Variants in PARN observed in about 807,000 individuals in gnomAD.
The protein encoded by PARN is poly(A)-specific ribonuclease, also known as poly(A)-specific ribonuclease PARN.
Under a neutral mutation model 102.8 loss-of-function variants are expected in PARN, and 71 were observed. That is an observed-to-expected ratio of 0.69 (90% CI 0.57 to 0.84). The LOEUF is 0.84. Ranked by LOEUF, PARN falls within the 40% of genes least tolerant of loss-of-function variation. The pLI is 0.00. For missense variants in PARN, 782 were observed against 760.9 expected (o/e 1.03, Z -0.33); for synonymous variants, 261 against 252.9 (o/e 1.03, Z -0.30).
intron 21 of PARN, among the ~76,000 whole-genome samples, chr16:14,505,962 C>T (rs545811562): frequency 6.6e-6 from 1 of 152,258 alleles, no homozygotes; most frequent in African/African-American, 2.4e-5. Flanking sequence ...TCACAGAGTA[C>T]TTATTTATTA....
chr16:14,550,010 C>G (rs1271807783), intron 21 of PARN, among the ~76,000 whole-genome samples: 4 of 152,200 alleles, frequency 2.6e-5, no homozygotes, highest in Non-Finnish European at 4.4e-5. Context: ...GGCTGCACAG[C>G]TTCAATGTCA....
intron 21 of PARN, among the ~76,000 whole-genome samples, chr16:14,518,224 C>T (rs745757538): frequency 3.0e-5 from 4 of 132,730 alleles, no homozygotes; most frequent in Admixed American, 8.4e-5. Context: ...CCCAGGAGGT[C>T]GAGGCTGCAG....
chr16:14,621,612 C>G (rs1972304121), intron 5 of PARN, among the ~76,000 whole-genome samples: 1 of 151,594 alleles, frequency 6.6e-6, no homozygotes, highest in Non-Finnish European at 1.5e-5. Flanking sequence ...GAGATCAAGA[C>G]TATCCTGGCT....
chr16:14,538,191 T>C (rs1966694214), intron 21 of PARN, among the ~76,000 whole-genome samples: 1 of 151,988 alleles, frequency 6.6e-6, no homozygotes, highest in Non-Finnish European at 1.5e-5. Context: ...GGCTGAATTG[T>C]TTTCCTTGTA....
intron 22 of PARN, 67 bp from the exon 23 acceptor site, chr16:14,447,148 T>C: frequency 9.6e-7 from 1 of 1,046,690 alleles, no homozygotes; most frequent in Non-Finnish European, 1.4e-6. Context: ...TCTATAAAAA[T>C]ATTTTAATAC....
intron 21 of PARN, among the ~76,000 whole-genome samples, chr16:14,518,692 A>C (rs977661762): frequency 5.3e-5 from 8 of 152,162 alleles, no homozygotes; most frequent in Non-Finnish European, 1.2e-4. Context: ...TTACTCATTA[A>C]GGTGGGGAGA....
rs548569160 is a variant in PARN at position 14,466,877 on chromosome 16, C to CCACTAA, written c.1670+15755_1670+15760dup. On this transcript the variant is annotated intron_variant, in intron 22 of 23. Transcript: ENST00000437198. ...GGTTCCTTCCGGCTTTCCTATAAACCCACTAACACTAATTTGAGAAGAAAA... is the reference window on the plus strand; with the variant it reads ...GGTTCCTTCCGGCTTTCCTATAAACCCACTAACACTAACACTAATTTGAGAAGAAAA... 1.5e-3 allele frequency among the ~76,000 whole-genome samples: 229 copies of CCACTAA among 152,202 alleles called. 1 individual carries two copies. The highest frequency in any genetic ancestry group is 3.6e-3 in the Admixed American group (55 of 15,282).
chr16:14,548,571 C>T (rs1967102953), intron 21 of PARN, among the ~76,000 whole-genome samples: 1 of 152,156 alleles, frequency 6.6e-6, no homozygotes. Context: ...AAAGAGTTTA[C>T]AGTCTATCTG....
At chr16:14,604,820 T>C (rs1167120094) in intron 10 of PARN, among the ~76,000 whole-genome samples, 2 of 152,060 alleles carry the variant, frequency 1.3e-5, no homozygotes, top group African/African-American at 2.4e-5. Context: ...TTCACCATGT[T>C]GCCCAGGCTG....
intron 21 of PARN, among the ~76,000 whole-genome samples, chr16:14,495,254 A>G (rs1964251757): frequency 6.6e-6 from 1 of 152,154 alleles, no homozygotes; most frequent in South Asian, 2.1e-4. Context: ...TGGGAGGACA[A>G]GGCGAGAGGA....
chr16:14,454,649 T>C (rs1213858201), intron 22 of PARN, among the ~76,000 whole-genome samples: 1 of 152,194 alleles, frequency 6.6e-6, no homozygotes, highest in African/African-American at 2.4e-5. Flanking sequence ...GTTTCAGTAC[T>C]GTATGTAGAC....
chr16:14,513,131 G>T (rs181635368), intron 21 of PARN, among the ~76,000 whole-genome samples: 323 of 152,094 alleles, frequency 2.1e-3, no homozygotes, highest in Admixed American at 6.9e-3. Flanking sequence ...CACCATGTTG[G>T]CCAGGCTGGT....
chr16:14,620,181 C>T (rs1237161297), intron 5 of PARN, among the ~76,000 whole-genome samples: 2 of 150,872 alleles, frequency 1.3e-5, no homozygotes, highest in Non-Finnish European at 2.9e-5. Context: ...ATCGAGACCA[C>T]CCTGGCTAAC....
intron 23 of PARN, among the ~76,000 whole-genome samples, chr16:14,437,936 T>G (rs1960776891): frequency 6.6e-6 from 1 of 152,192 alleles, no homozygotes; most frequent in South Asian, 2.1e-4. Flanking sequence ...AACATGAGAA[T>G]TTCTACTTCT....
intron 21 of PARN, among the ~76,000 whole-genome samples, chr16:14,516,512 G>C (rs1965464890): frequency 6.6e-6 from 1 of 152,098 alleles, no homozygotes; most frequent in Non-Finnish European, 1.5e-5. Context: ...AGAAAAAAAA[G>C]TCAGATTGCC....
chr16:14,580,168 C>T (rs1969430285), intron 18 of PARN, among the ~76,000 whole-genome samples: 1 of 152,156 alleles, frequency 6.6e-6, no homozygotes, highest in Non-Finnish European at 1.5e-5. Flanking sequence ...GATGGGGTTT[C>T]ACCGTGTTAG....
At chr16:14,450,038 C>CG (rs1192098214) in intron 22 of PARN, among the ~76,000 whole-genome samples, 1 of 152,138 alleles carries the variant, frequency 6.6e-6, no homozygotes, top group Non-Finnish European at 1.5e-5. Flanking sequence ...TTTGGAATTG[C>CG]AAAATACTGC....
At chr16:14,476,091 T>C (rs1287854040) in intron 22 of PARN, among the ~76,000 whole-genome samples, 1 of 152,220 alleles carries the variant, frequency 6.6e-6, no homozygotes, top group East Asian at 1.9e-4. Flanking sequence ...AGACTGATAC[T>C]TGAAAGATGC....
chr16:14,605,235 T>C (rs924740299), intron 10 of PARN, among the ~76,000 whole-genome samples: 6 of 152,222 alleles, frequency 3.9e-5, no homozygotes, highest in African/African-American at 7.2e-5. Flanking sequence ...TGAGCCACCA[T>C]GCCCAGCCAC....
Sources: gnomAD v4.1 joint callset for allele counts (sites outside exome capture counted in the v4.1 genomes callset) on GRCh38, gnomAD v4.1.1 for gene constraint, MANE v1.5 for transcripts, NCBI Gene and HGNC (gene_info 2026-07-23, HGNC 2026-07-21) for gene names.